Variants in CELF2 observed in about 807,000 individuals in gnomAD.
CELF2 encodes the protein CUGBP Elav-like family member 2.
CELF2 carries 8 observed loss-of-function variants against 62.6 expected under a neutral mutation model. The observed-to-expected ratio is 0.13, with a 90% confidence interval of 0.07 to 0.23. The LOEUF is 0.23. CELF2 is among the 10% of genes least tolerant of loss of function. The pLI is 1.00. For missense variants in CELF2, 333 were observed against 671.0 expected (o/e 0.50, Z 5.56); for synonymous variants, 258 against 250.0 (o/e 1.03, Z -0.30).
At chr10:10,546,056 C>A in the CELF2 span, among the ~76,000 whole-genome samples, 2 of 152,064 alleles carry the variant, frequency 1.3e-5, no homozygotes, top group African/African-American at 4.8e-5. Context: ...ACGACGCTGA[C>A]AACAATCAGG....
At chr10:11,279,290 CATT>C (rs1365165831) in intron 8 of CELF2, among the ~76,000 whole-genome samples, 1 of 152,144 alleles carries the variant, frequency 6.6e-6, no homozygotes, top group Non-Finnish European at 1.5e-5. Context: ...GTAACAATAA[CATT>C]ATGGAGTGCA....
chr10:11,027,455 A>C (rs1324371920), intron 1 of CELF2, among the ~76,000 whole-genome samples: 2 of 151,458 alleles, frequency 1.3e-5, no homozygotes, highest in Non-Finnish European at 2.9e-5. Flanking sequence ...TGTGTTGGAG[A>C]GGAGACTGAG....
At chr10:11,235,934 C>G (rs1354955283) in intron 3 of CELF2, among the ~76,000 whole-genome samples, 2 of 152,088 alleles carry the variant, frequency 1.3e-5, no homozygotes, top group Non-Finnish European at 2.9e-5. Context: ...AGTACAACTC[C>G]CAAAGGCCAT....
At position 11,268,416 on chromosome 10, in the gene CELF2, A is replaced by ACT. The variant is rs2082758951; in HGVS notation, c.618+1739_618+1740insCT. On this transcript the variant is annotated intron_variant, in intron 6 of 12. Coordinates refer to ENST00000633077, the MANE Select transcript of CELF2 (RefSeq NM_001326342.2). This position sits in a 1 kb window ranked among gnomAD's most constrained non-coding sequence, Gnocchi z 4.7. ...TTCCTTCCCTTGGAGCCCCCCCAGTAATGCTCAGAGAGCCACGGACAACCC... is the reference window on the plus strand; with the variant it reads ...TTCCTTCCCTTGGAGCCCCCCCAGTACTATGCTCAGAGAGCCACGGACAACCC... Among the ~76,000 whole-genome samples the ACT allele has an allele frequency of 6.6e-6, 1 of 152,090 alleles. No homozygotes were observed. Among genetic ancestry groups the ACT allele is most frequent in the South Asian group, 2.1e-4 (1 of 4,824 alleles).
chr10:10,999,475 T>C (rs1034552518), intron 2 of CELF2, among the ~76,000 whole-genome samples: 2 of 152,174 alleles, frequency 1.3e-5, no homozygotes, highest in East Asian at 3.9e-4. Flanking sequence ...GAAGCACACA[T>C]TTGTAGTCCT....
rs2076359875 is a variant in CELF2, at chr10:11,191,890, T to G, written c.272-25535T>G. On this transcript the variant is annotated intron_variant, in intron 2 of 12. Transcript: ENST00000633077. This position sits in a 1 kb window ranked among gnomAD's most constrained non-coding sequence, Gnocchi z 4.1. ...AGCCTGTTTTCCACCCTCCCTGCCC[T>G]CCCATGCAGAGGCCCCGCCCTGTGT... Among the ~76,000 whole-genome samples, 1 of 151,706 alleles carries G rather than the reference T, an allele frequency of 6.6e-6. No individual in the cohort carries two copies. The highest frequency in any genetic ancestry group is 2.1e-4 in the South Asian group (1 of 4,790).
chr10:10,910,280 C>T (rs1250224636), intron 1 of CELF2, among the ~76,000 whole-genome samples: 8 of 152,098 alleles, frequency 5.3e-5, no homozygotes, highest in Admixed American at 2.6e-4. Flanking sequence ...AATAATTCAG[C>T]AATATTAACT....
Position 11,290,427 on chromosome 10 carries a change from T to C in CELF2, c.976+1875T>C, listed in dbSNP as rs1246910830. ...TGGACCGCGTCCGTTCCAGCCCACG[T>C]TGGGAGGAGTGTGAGCTTGTTGCAA... is the stretch of plus-strand genomic sequence containing the variant. On this transcript the variant is annotated intron_variant, in intron 9 of 12. Transcript: ENST00000633077. The surrounding 1 kb of genome is among the most constrained non-coding windows in gnomAD (Gnocchi z 4.3). Among the ~76,000 whole-genome samples, 3 of 151,766 alleles carry C rather than the reference T, an allele frequency of 2.0e-5. No homozygotes were observed. Among genetic ancestry groups the C allele is most frequent in the Admixed American group, 6.6e-5 (1 of 15,226 alleles).
intron 2 of CELF2, among the ~76,000 whole-genome samples, chr10:11,189,762 T>C (rs1316785380): frequency 6.6e-6 from 1 of 152,210 alleles, no homozygotes; most frequent in Non-Finnish European, 1.5e-5. Context: ...CCCTGGTTCT[T>C]TTCTCACAGT....
the CELF2 span, among the ~76,000 whole-genome samples, chr10:10,554,691 C>T: frequency 1.3e-5 from 2 of 152,030 alleles, no homozygotes; most frequent in Non-Finnish European, 2.9e-5. Flanking sequence ...CTCACTCTAC[C>T]CTATTTGGCT....
rs745628343 is a variant in CELF2, at chr10:11,260,337, A to C, written c.538+2465A>C. ...GATCTAGGCAGTGACTCTCTGGCAC[A>C]TTTTCTCTGTCTGTCCAGTGGGGAC... On this transcript the variant is annotated intron_variant, in intron 5 of 12. Transcript: ENST00000633077. This position sits in a 1 kb window ranked among gnomAD's most constrained non-coding sequence, Gnocchi z 4.2. Among the ~76,000 whole-genome samples, 5 of 152,132 alleles carry C rather than the reference A, an allele frequency of 3.3e-5. No individual in the cohort carries two copies. The highest frequency in any genetic ancestry group is 7.3e-5 in the Non-Finnish European group (5 of 68,030).
chr10:10,821,689 G>A (rs758069185), intron 1 of CELF2, among the ~76,000 whole-genome samples: 3 of 152,020 alleles, frequency 2.0e-5, no homozygotes, highest in African/African-American at 4.8e-5. Flanking sequence ...TCTGTTGCCC[G>A]GGCTGGAGTG....
rs952395170 is a variant in CELF2, at chr10:10,936,457, G to A, written c.89+16458G>A. ...CGTCTCCTTGTTTCACAGATGAATA[G>A]GCTGAAGATCAGACAGTGGAAACTA... is the stretch of plus-strand genomic sequence containing the variant. On this transcript the variant is annotated intron_variant, in intron 2 of 13. Coordinates refer to the CELF2 transcript ENST00000636488. This position sits in a 1 kb window ranked among gnomAD's most constrained non-coding sequence, Gnocchi z 4.0. Among the ~76,000 whole-genome samples the A allele has an allele frequency of 6.6e-6, 1 of 152,146 alleles. No homozygotes were observed. The highest frequency in any genetic ancestry group is 1.5e-5 in the Non-Finnish European group (1 of 68,026).
chr10:11,082,335 G>C (rs1229196063), intron 1 of CELF2, among the ~76,000 whole-genome samples: 1 of 152,216 alleles, frequency 6.6e-6, no homozygotes, highest in Non-Finnish European at 1.5e-5. Flanking sequence ...ATAAGGATGA[G>C]CTGTATGACC....
At position 11,280,241 on chromosome 10, in the gene CELF2, A is replaced by G. The variant is rs1205894847; in HGVS notation, c.841+5121A>G. On this transcript the variant is annotated intron_variant, in intron 8 of 12. Transcript: ENST00000633077. This position sits in a 1 kb window ranked among gnomAD's most constrained non-coding sequence, Gnocchi z 7.6. ...ATGAGCGGAAGTGAAGCCCGCTGTT[A>G]GTTCTGGGGAGGAATAAGGGGAGTT... is the stretch of plus-strand genomic sequence containing the variant. Among the ~76,000 whole-genome samples, 2 of 152,138 alleles carry G rather than the reference A, an allele frequency of 1.3e-5. No homozygotes were observed. Among genetic ancestry groups the G allele is most frequent in the Non-Finnish European group, 2.9e-5 (2 of 68,006 alleles).
At chr10:11,301,537 TGCCCCCG>T (rs1166946637) in intron 9 of CELF2, among the ~76,000 whole-genome samples, 2 of 119,058 alleles carry the variant, frequency 1.7e-5, no homozygotes, top group Non-Finnish European at 3.5e-5. Context: ...CCGCTCCCGC[TGCCCCCG>T]GCCCCGACTC....
At chr10:11,213,542 A>G (rs1028688383) in intron 2 of CELF2, among the ~76,000 whole-genome samples, 1 of 152,214 alleles carries the variant, frequency 6.6e-6, no homozygotes, top group Non-Finnish European at 1.5e-5. Context: ...CATTTCAGGG[A>G]AAATAATGAT....
rs943770912 is a variant in CELF2 at position 11,269,702 on chromosome 10, C to T, written c.619-964C>T. 6.6e-6 allele frequency among the ~76,000 whole-genome samples: 1 copy of T among 152,128 alleles called. No individual in the cohort carries two copies. The highest frequency in any genetic ancestry group is 1.5e-5 in the Non-Finnish European group (1 of 68,034). ...GGGAGACTTCTGCTGAGTTACTTAC[C>T]AAGTGGCAAATGTTGCAAAGGTGCT... On this transcript the variant is annotated intron_variant, in intron 6 of 12. Coordinates refer to ENST00000633077, the MANE Select transcript of CELF2 (RefSeq NM_001326342.2). This position sits in a 1 kb window ranked among gnomAD's most constrained non-coding sequence, Gnocchi z 4.4.
chr10:10,817,953 G>A (rs141074787), intron 1 of CELF2, among the ~76,000 whole-genome samples: 495 of 152,238 alleles, frequency 3.3e-3, no homozygotes, highest in Non-Finnish European at 5.5e-3. Flanking sequence ...ATAACTGTAG[G>A]ACCTTAGGTA....
Sources: allele counts gnomAD v4.1 joint callset (sites outside exome capture counted in the v4.1 genomes callset), GRCh38; gene constraint gnomAD v4.1.1; non-coding constraint Gnocchi (gnomAD v3.1); transcripts MANE v1.5; gene names NCBI Gene and HGNC (gene_info 2026-07-23, HGNC 2026-07-21).